ARHGEF40: variants seen among roughly 807,000 people sequenced by gnomAD.
The protein encoded by ARHGEF40 is Rho guanine nucleotide exchange factor (GEF) 40.
A neutral mutation model predicts 165.9 loss-of-function variants in ARHGEF40; 98 were observed. The ratio of observed to expected loss-of-function variants is 0.59; its 90% CI spans 0.50 to 0.70. ARHGEF40 has a LOEUF of 0.70. Ranked by LOEUF, ARHGEF40 falls within the 30% of genes least tolerant of loss-of-function variation. The pLI, the probability that ARHGEF40 is intolerant of heterozygous loss-of-function variation, is 0.00. For synonymous variants in ARHGEF40, 792 were observed against 814.3 expected (o/e 0.97, Z 0.47); for missense variants, 1,815 against 1,968.0 (o/e 0.92, Z 1.47).
chr14:21,089,133 G>A lies in ARHGEF40; in HGVS notation c.*125G>A. On this transcript the variant is annotated 3_prime_UTR_variant, in exon 24 of 24. Coordinates refer to ENST00000298694, the MANE Select transcript of ARHGEF40 (RefSeq NM_018071.5). ...TTCTTCCCTCTGCTTCCTGGACACA[G>A]AGGAGGTCTAACGACCAGAGTATTG... The A allele has an allele frequency of 2.2e-6, 1 of 464,180 alleles. No individual in the cohort carries two copies. The highest frequency in any genetic ancestry group is 3.8e-6 in the Non-Finnish European group (1 of 261,006). 28.8% of individuals were successfully genotyped at this position (464,180 alleles called of 1,614,324 possible). A position where few individuals can be genotyped will look rare whatever the true frequency, so the allele number is the denominator to read the frequency against.
chr14:21,073,837 G>C lies in ARHGEF40; in HGVS notation c.202-95G>C. On this transcript the variant is annotated intron_variant, in intron 2 of 23. Coordinates refer to ENST00000298694, the MANE Select transcript of ARHGEF40 (RefSeq NM_018071.5). The surrounding 1 kb of genome is among the most constrained non-coding windows in gnomAD (Gnocchi z 4.6). The stretch of plus-strand genomic sequence containing the variant: ...TGAGAGTATAACCTTCCAGGCATAA[G>C]GCTGGTCCTGCCTAGGGTGGGCCCA... The C allele has an allele frequency of 7.1e-7, 1 of 1,403,924 alleles. No individual in the cohort carries two copies. Among genetic ancestry groups the C allele is most frequent in the South Asian group, 1.4e-5 (1 of 73,914 alleles). The allele number at this position is 1,403,924 out of a possible 1,614,324, so 87.0% of individuals were successfully genotyped here.
chr14:21,088,007 G>A lies in ARHGEF40; in HGVS notation c.4427G>A (p.Gly1476Glu), dbSNP rs374586998. 3.3e-5 allele frequency: 54 copies of A among 1,613,928 alleles called. No individual in the cohort carries two copies. Among genetic ancestry groups the A allele is most frequent in the Non-Finnish European group, 4.3e-5 (51 of 1,180,016 alleles). Reference sequence around the variant, plus strand: ...GACTCTTCTGGAGATGTGTCCCCAGGACCAAGAAACAGCCCCAGCCTGCAA... The same window carrying A: ...GACTCTTCTGGAGATGTGTCCCCAGAACCAAGAAACAGCCCCAGCCTGCAA... ...TLDSSGDVSP[G>E]PRNSPSLQPP... The change falls in exon 22 of 24, where the codon GGA becomes GAA. Residue 1476 changes from glycine (G) to glutamate (E), a missense_variant. Gly to Glu is a moderately conservative substitution (Grantham distance 98). Transcript: ENST00000298694.
intron 8 of ARHGEF40, among the ~76,000 whole-genome samples, chr14:21,077,359 T>C (rs1411244273): frequency 1.3e-5 from 2 of 148,250 alleles, no homozygotes; most frequent in Non-Finnish European, 1.5e-5. Context: ...ACTCCAGTGA[T>C]CCACCCGTCT....
the ARHGEF40 span, among the ~76,000 whole-genome samples, chr14:21,064,289 C>T: frequency 1.3e-5 from 2 of 151,510 alleles, no homozygotes; most frequent in African/African-American, 4.9e-5. Flanking sequence ...AGTGAACAAC[C>T]ACTTGATGCC....
At chr14:21,067,631 CTGTT>C (rs1049013216), upstream of ARHGEF40, among the ~76,000 whole-genome samples, 3 of 152,160 alleles carry the variant, frequency 2.0e-5, no homozygotes, top group Non-Finnish European at 4.4e-5. Context: ...ATGGTAAGAA[CTGTT>C]TGTGAATGAG....
In ARHGEF40 at chr14:21,073,491, A is replaced by C. The variant is rs1380203275; in HGVS notation, c.201+249A>C. Among the ~76,000 whole-genome samples the C allele has an allele frequency of 6.6e-6, 1 of 151,740 alleles. No homozygotes were observed. The highest frequency in any genetic ancestry group is 2.4e-5 in the African/African-American group (1 of 41,254). ...CTTCCCCAAATTCATCTTGACCCCA[A>C]TACTGACCCCCAAAGACCCTAACTC... is the stretch of plus-strand genomic sequence containing the variant. On this transcript the variant is annotated intron_variant, in intron 2 of 23. Coordinates refer to ENST00000298694, the MANE Select transcript of ARHGEF40 (RefSeq NM_018071.5). The surrounding 1 kb of genome is among the most constrained non-coding windows in gnomAD (Gnocchi z 4.6).
At chr14:21,067,260 T>C (rs1238688136), upstream of ARHGEF40, among the ~76,000 whole-genome samples, 1 of 143,554 alleles carries the variant, frequency 7.0e-6, no homozygotes, top group African/African-American at 2.6e-5. Context: ...TATTAGTCTA[T>C]AACAAGTCTA....
rs528940479 is a variant in ARHGEF40, at chr14:21,083,466, C to T, written c.3574-369C>T. Among the ~76,000 whole-genome samples, 9 of 151,988 alleles carry T rather than the reference C, an allele frequency of 5.9e-5. No individual in the cohort carries two copies. The East Asian group carries it at 1.7e-3, about 29-fold the overall frequency. On this transcript the variant is annotated intron_variant, in intron 16 of 23. Transcript: ENST00000298694. ...TCGGGAGGCTGAGGCAGAAGAATGG[C>T]GTGAACCTGGGAGGCGGAGCTTGCA...
intron 13 of ARHGEF40, chr14:21,081,273 C>T (rs1887869379): frequency 2.6e-6 from 2 of 775,810 alleles, no homozygotes; most frequent in Admixed American, 3.0e-5. Context: ...AGCACAGAGC[C>T]TGCCACTCAT....
Position 21,075,636 on chromosome 14 carries a change from T to A in ARHGEF40, c.1619-9T>A, listed in dbSNP as rs1887352396. ...CAGCCAGGACAGCCTGGCCATTTTG[T>A]GTCTTCAGGAGGGGTGGACCAGAGT... On this transcript the variant is annotated splice_polypyrimidine_tract_variant and intron_variant, in intron 4 of 23. Transcript: ENST00000298694. This position sits in a 1 kb window ranked among gnomAD's most constrained non-coding sequence, Gnocchi z 4.5. 6.2e-7 allele frequency: 1 copy of A among 1,614,084 alleles called. No homozygotes were observed. The highest frequency in any genetic ancestry group is 1.3e-5 in the African/African-American group (1 of 75,004).
Position 21,070,505 on chromosome 14 carries a change from C to T in ARHGEF40, c.3+106C>T. ...CCTCCCGAGCCTGCCTCGGACTGTT[C>T]GGCCCCTCTGGGACTCTCCTCCCTC... On this transcript the variant is annotated intron_variant, in intron 1 of 23. Transcript: ENST00000298694. The surrounding 1 kb of genome is among the most constrained non-coding windows in gnomAD (Gnocchi z 4.7). 1 of 1,325,454 alleles carries T rather than the reference C, an allele frequency of 7.5e-7. No homozygotes were observed. Among genetic ancestry groups the T allele is most frequent in the Non-Finnish European group, 9.8e-7 (1 of 1,019,318 alleles). The allele number at this position is 1,325,454 out of a possible 1,614,324, so 82.1% of individuals were successfully genotyped here.
At chr14:21,086,921 AAGAAAAAAATC>A in intron 19 of ARHGEF40, 69 bp from the exon 20 acceptor site, 1 of 1,215,232 alleles carries the variant, frequency 8.2e-7, no homozygotes, top group Non-Finnish European at 1.1e-6. Flanking sequence ...AAAAAAAAAA[AAGAAAAAAATC>A]AACCATGACA....
rs1173017685 is a variant in ARHGEF40, at chr14:21,082,114, C to T, written c.3246C>T (p.Ser1082=). ...VGTPRMERKR[S]ISAQQRLVSE... ...CCCCCCGGATGGAGCGCAAGCGAAGCATCAGGTGAGATCCCAGCCCAACTG... is the reference window on the plus strand; with the variant it reads ...CCCCCCGGATGGAGCGCAAGCGAAGTATCAGGTGAGATCCCAGCCCAACTG... Residue 1082 remains serine (S), a synonymous_variant, in exon 14 of 24, where the codon AGC becomes AGT. Coordinates refer to ENST00000298694, the MANE Select transcript of ARHGEF40 (RefSeq NM_018071.5). The T allele has an allele frequency of 1.9e-5, 29 of 1,563,916 alleles. 1 individual carries two copies. In the Admixed American group the frequency reaches 5.3e-4, roughly 29 times the overall value.
chr14:21,081,252 T>TAA (rs1887867743), intron 13 of ARHGEF40: 1 of 791,768 alleles, frequency 1.3e-6, no homozygotes, highest in Admixed American at 3.0e-5. Flanking sequence ...AGGCAATACA[T>TAA]AAAAGCCCTT....
At chr14:21,062,708 A>AGTGTGTGTGTGTGTGT in the ARHGEF40 span, among the ~76,000 whole-genome samples, 6,019 of 130,874 alleles carry the variant, frequency 0.046, 183 homozygotes, top group African/African-American at 0.059. Context: ...GGCTGGGCAC[A>AGTGTGTGTGTGTGTGT]GTGTGTGTGT....
chr14:21,074,313 G>A lies in ARHGEF40; in HGVS notation c.583G>A (p.Gly195Arg). Reference sequence around the variant, plus strand: ...TGTGCACAAAGAGGGCCTCATGGTTGGACATCAGCCAAGTACACTGCCCCC... The same window carrying A: ...TGTGCACAAAGAGGGCCTCATGGTTAGACATCAGCCAAGTACACTGCCCCC... ...RFVHKEGLMV[G>R]HQPSTLPPEL... Residue 195 changes from glycine to arginine, a missense_variant, in exon 3 of 24, where the codon GGA becomes AGA. Physicochemically the swap from Gly to Arg is moderately radical, Grantham distance 125. Transcript: ENST00000298694. The surrounding 1 kb of genome is among the most constrained non-coding windows in gnomAD (Gnocchi z 4.8). 1.2e-6 allele frequency: 2 copies of A among 1,614,170 alleles called. No individual in the cohort carries two copies. The highest frequency in any genetic ancestry group is 1.7e-6 in the Non-Finnish European group (2 of 1,180,028).
the ARHGEF40 span, among the ~76,000 whole-genome samples, chr14:21,064,336 C>G: frequency 6.6e-6 from 1 of 151,944 alleles, no homozygotes; most frequent in East Asian, 1.9e-4. Flanking sequence ...GAGTCTCTCT[C>G]TGTTGCCCAG....
intron 10 of ARHGEF40, 101 bp from the exon 11 acceptor site, chr14:21,078,783 G>A: frequency 1.3e-6 from 2 of 1,505,110 alleles, no homozygotes; most frequent in Non-Finnish European, 1.8e-6. Context: ...GATCCATGCT[G>A]CTATGCAACC....
chr14:21,087,778 CTG>C, intron 21 of ARHGEF40, 188 bp from the exon 22 acceptor site: 1 of 788,838 alleles, frequency 1.3e-6, no homozygotes, highest in Non-Finnish European at 2.1e-6. Context: ...CGCTTCTTCC[CTG>C]GTTGCTCTAA....
Sources: gnomAD v4.1 joint callset for allele counts (sites outside exome capture counted in the v4.1 genomes callset) on GRCh38, gnomAD v4.1.1 for gene constraint, Gnocchi (gnomAD v3.1) non-coding constraint, MANE v1.5 for transcripts, NCBI Gene and HGNC (gene_info 2026-07-23, HGNC 2026-07-21) for gene names.